The following LAMA1 variants were observed in gnomAD, a reference collection of about 807,000 sequenced individuals.
LAMA1 encodes laminin subunit alpha 1.
A neutral mutation model predicts 348.7 loss-of-function variants in LAMA1; 219 were observed. The ratio of observed to expected loss-of-function variants is 0.63; its 90% CI spans 0.56 to 0.70. The LOEUF is 0.70. LAMA1 is among the 30% of genes least tolerant of loss of function. The pLI is 0.00. For missense variants in LAMA1, 3,744 were observed against 3,888.0 expected (o/e 0.96, Z 0.99); for synonymous variants, 1,487 against 1,491.0 (o/e 1.00, Z 0.06).
rs572600078 is a variant in LAMA1, at chr18:7,093,090, A to G, written c.62-12633T>C. Among the ~76,000 whole-genome samples the G allele has an allele frequency of 2.0e-5, 3 of 152,296 alleles. No homozygotes were observed. The East Asian group carries it at 5.8e-4, about 29-fold the overall frequency. ...TGTACCCAACACTTCCTTGTTCAAT[A>G]TTTTAAATCCTGACTTAGATAATGG... On this transcript the variant is annotated intron_variant, in intron 1 of 62. Transcript: ENST00000389658.
At chr18:7,029,910 C>A (rs918334924) in intron 16 of LAMA1, among the ~76,000 whole-genome samples, 1 of 151,440 alleles carries the variant, frequency 6.6e-6, no homozygotes, top group Admixed American at 6.6e-5. Flanking sequence ...GATAGTTATA[C>A]GCAAGGCCCA....
intron 31 of LAMA1, 39 bp from the exon 32 acceptor site, chr18:6,999,677 C>G: frequency 6.6e-7 from 1 of 1,523,202 alleles, no homozygotes; most frequent in Non-Finnish European, 9.0e-7. Context: ...ACAGGATGGT[C>G]AATACCAGCT....
chr18:7,082,038 C>G (rs2058195238), intron 1 of LAMA1, among the ~76,000 whole-genome samples: 1 of 151,972 alleles, frequency 6.6e-6, no homozygotes, highest in Non-Finnish European at 1.5e-5. Flanking sequence ...AATTATCAAA[C>G]AAAAATGGTT....
At chr18:7,025,835 T>G (rs1386413409) in intron 17 of LAMA1, 144 bp downstream of exon 17, 1 of 1,203,392 alleles carries the variant, frequency 8.3e-7, no homozygotes, top group Admixed American at 2.0e-5. Flanking sequence ...AACCCACCCC[T>G]CTGTCTTTAA....
intron 11 of LAMA1, 26 bp downstream of exon 11, chr18:7,038,784 C>T (rs1568041851): frequency 6.2e-7 from 1 of 1,613,104 alleles, no homozygotes. Flanking sequence ...CTCATTAAAT[C>T]CCGCCGCGCA....
chr18:7,115,847 T>A (rs111403622), intron 1 of LAMA1, among the ~76,000 whole-genome samples: 1,559 of 123,290 alleles, frequency 0.013, 23 homozygotes, highest in African/African-American at 0.041. Context: ...CCGGGCGTGG[T>A]GGCACGCGCC....
At chr18:6,988,733 G>A (rs1431450034) in intron 36 of LAMA1, among the ~76,000 whole-genome samples, 2 of 150,628 alleles carry the variant, frequency 1.3e-5, no homozygotes, top group Non-Finnish European at 2.9e-5. Flanking sequence ...CTTGAACCCG[G>A]GAGGCGGAAG....
In LAMA1 at chr18:7,012,083, C is replaced by T. The variant is rs201623766; in HGVS notation, c.3419G>A (p.Arg1140His). ...GCTGCAGCCCAGGGGGTTGTCTGCG[C>T]GGAGAGCGAAGGTGCCCTCTCGACA... ...NECREGTFAL[R>H]ADNPLGCSPC... is the part of the protein sequence containing the mutation. Residue 1140 changes from arginine to histidine, a missense_variant, in exon 24 of 63, where the codon CGC becomes CAC. By Grantham distance (29) the Arg-to-His change is conservative (BLOSUM62 0). Coordinates refer to ENST00000389658, the MANE Select transcript of LAMA1 (RefSeq NM_005559.4). 1.4e-4 allele frequency: 229 copies of T among 1,613,358 alleles called. 1 individual carries two copies. The East Asian group carries it at 2.9e-3, about 20-fold the overall frequency.
intron 44 of LAMA1, among the ~76,000 whole-genome samples, chr18:6,976,620 T>G (rs2034268503): frequency 7.0e-6 from 1 of 143,496 alleles, no homozygotes; most frequent in African/African-American, 2.8e-5. Context: ...ATTTATTTAT[T>G]TATTTATTTA....
intron 3 of LAMA1, among the ~76,000 whole-genome samples, chr18:7,068,059 G>C (rs1297450340): frequency 6.6e-6 from 1 of 152,090 alleles, no homozygotes; most frequent in Non-Finnish European, 1.5e-5. Flanking sequence ...GTCCATGTTG[G>C]TCAGGCTGGT....
At chr18:6,964,866 T>C in intron 50 of LAMA1, 63 bp from the exon 51 acceptor site, 1 of 1,578,326 alleles carries the variant, frequency 6.3e-7, no homozygotes, top group Non-Finnish European at 8.7e-7. Flanking sequence ...TAAGGTAAAA[T>C]GCAAACTTCT....
rs1322359977 is a variant in LAMA1 at position 7,034,634 on chromosome 18, T to C, written c.1896A>G (p.Glu632=). 1 of 1,614,210 alleles carries C rather than the reference T, an allele frequency of 6.2e-7. No individual in the cohort carries two copies. Among genetic ancestry groups the C allele is most frequent in the Admixed American group, 1.7e-5 (1 of 60,030 alleles). The change falls in exon 14 of 63, where the codon GAA becomes GAG. Residue 632 remains glutamate (E), a synonymous_variant. Transcript: ENST00000389658. ...QAEGLSLQPY[E]EYLNVVRLVP... ...CAAGTCTAACCACGTTTAGGTACTC[T>C]TCATAAGGCTGCAATGACAGACCCT... is the stretch of plus-strand genomic sequence containing the variant.
At position 7,011,339 on chromosome 18, in the gene LAMA1, C is replaced by T. The variant is rs12969598; in HGVS notation, c.3648G>A (p.Pro1216=). ...ATVRQHIRAE[P]FYWRLPQQFQ... ...ACTGCTGCGGCAGCCGCCAGTAAAA[C>T]GGCTCTGCACGGATGTGCTGCCGGA... The change falls in exon 25 of 63, where the codon CCG becomes CCA. Residue 1216 remains proline (P), a synonymous_variant. Transcript: ENST00000389658. 63,423 of 1,612,252 alleles carry T rather than the reference C, an allele frequency of 0.039. 1,378 individuals carry two copies. The highest frequency in any genetic ancestry group is 0.045 in the Middle Eastern group (273 of 6,032).
Position 6,983,219 on chromosome 18 carries a change from G to T in LAMA1, c.5676C>A (p.Ile1892=). 1 of 1,614,140 alleles carries T rather than the reference G, an allele frequency of 6.2e-7. No individual in the cohort carries two copies. The highest frequency in any genetic ancestry group is 2.2e-5 in the East Asian group (1 of 44,874). The part of the protein sequence containing the change: ...ADVLYSGLEN[I]RNVSLNATSA... ...TGGTGGCATTCAGGGACACATTTCT[G>T]ATGTTTTCAAGGCCACTATCAAAGC... Residue 1892 remains isoleucine, a synonymous_variant, in exon 40 of 63, where the codon ATC becomes ATA. Coordinates refer to ENST00000389658, the MANE Select transcript of LAMA1 (RefSeq NM_005559.4).
chr18:7,053,611 A>G (rs2058070341), intron 3 of LAMA1, among the ~76,000 whole-genome samples: 1 of 152,190 alleles, frequency 6.6e-6, no homozygotes, highest in Admixed American at 6.5e-5. Flanking sequence ...CTAGCCAGAC[A>G]AATCCTGGAT....
intron 36 of LAMA1, among the ~76,000 whole-genome samples, chr18:6,989,766 C>T (rs2057750720): frequency 6.6e-6 from 1 of 152,158 alleles, no homozygotes; most frequent in Non-Finnish European, 1.5e-5. Context: ...CAGGTCTTCC[C>T]AGGAACCACG....
At chr18:7,074,759 C>G (rs77954599) in intron 3 of LAMA1, among the ~76,000 whole-genome samples, 4 of 151,838 alleles carry the variant, frequency 2.6e-5, no homozygotes, top group African/African-American at 9.7e-5. Flanking sequence ...TTCTAAAATA[C>G]TGTGAATCAA....
chr18:7,084,164 A>AT (rs141004149), intron 1 of LAMA1, among the ~76,000 whole-genome samples: 6,923 of 139,732 alleles, frequency 0.05, 521 homozygotes, highest in African/African-American at 0.17. Flanking sequence ...CAGAATTTTT[A>AT]TTTTTTTTTT....
chr18:7,011,246 T>C, intron 25 of LAMA1, 54 bp downstream of exon 25: 1 of 1,576,794 alleles, frequency 6.3e-7, no homozygotes, highest in Non-Finnish European at 8.6e-7. Context: ...TTTTAAACAA[T>C]TTCTGTATAT....
Sources: allele counts gnomAD v4.1 joint callset (sites outside exome capture counted in the v4.1 genomes callset), GRCh38; gene constraint gnomAD v4.1.1; transcripts MANE v1.5; gene names NCBI Gene and HGNC (gene_info 2026-07-23, HGNC 2026-07-21).